Variants in COLEC10 observed in about 807,000 individuals in gnomAD.
COLEC10 encodes the protein collectin subfamily member 10.
In COLEC10, 22 loss-of-function variants were observed where a neutral mutation model predicts 28.4. That is an observed-to-expected ratio of 0.78 (90% CI 0.55 to 1.11). The LOEUF is 1.11. COLEC10 is among the 50% of genes least tolerant of loss of function. COLEC10 has a pLI of 0.00. For synonymous variants in COLEC10, 125 were observed against 116.1 expected (o/e 1.08, Z -0.49); for missense variants, 361 against 344.1 (o/e 1.05, Z -0.39).
At chr8:119,094,742 C>T (rs1200152318) in intron 3 of COLEC10, among the ~76,000 whole-genome samples, 3 of 152,120 alleles carry the variant, frequency 2.0e-5, no homozygotes, top group African/African-American at 7.2e-5. Flanking sequence ...CCCCCATATT[C>T]CCAGTTAGAA....
At chr8:119,061,752 A>G (rs1814860293) in intron 2 of COLEC10, among the ~76,000 whole-genome samples, 1 of 152,026 alleles carries the variant, frequency 6.6e-6, no homozygotes, top group Admixed American at 6.6e-5. Flanking sequence ...GATGAAACCA[A>G]GAAAAAAAAA....
At chr8:119,006,802 C>A (rs546914842) in intron 1 of COLEC10, among the ~76,000 whole-genome samples, 1 of 152,114 alleles carries the variant, frequency 6.6e-6, no homozygotes, top group East Asian at 1.9e-4. Flanking sequence ...AACTAATTTG[C>A]ATCTCCACTG....
intron 1 of COLEC10, among the ~76,000 whole-genome samples, chr8:119,082,664 C>A (rs940977013): frequency 6.6e-6 from 1 of 152,226 alleles, no homozygotes; most frequent in Non-Finnish European, 1.5e-5. Context: ...ATGAGCTGAA[C>A]TGACGAGGTA....
rs781726945 is a variant in COLEC10, at chr8:119,106,174, A to T, written c.817A>T (p.Ile273Phe). 1.6e-5 allele frequency: 26 copies of T among 1,597,692 alleles called. No individual in the cohort carries two copies. The Admixed American group carries it at 2.2e-4, about 14-fold the overall frequency. The change falls in exon 6 of 6, where the codon ATC becomes TTC. Residue 273 changes from isoleucine to phenylalanine, a missense_variant. This residue lies in a region of COLEC10 where 22 missense variants were observed against 17.3 expected (regional missense o/e 1.28). Coordinates refer to ENST00000332843, the MANE Select transcript of COLEC10 (RefSeq NM_006438.5). ...TACCATGTACTTTGTCTGTGAGTTC[A>T]TCAAGAAGAAAAAGTAACTTCCCTC... ...HLTMYFVCEFIKKKK is the reference protein window; with the variant it reads ...HLTMYFVCEFFKKKK
intron 2 of COLEC10, among the ~76,000 whole-genome samples, chr8:119,017,819 A>G (rs1563718191): frequency 2.0e-5 from 3 of 152,158 alleles, no homozygotes; most frequent in African/African-American, 7.2e-5. Flanking sequence ...GTAGGACTCA[A>G]TAAATAATTA....
chr8:119,081,701 G>A (rs1413842359), intron 1 of COLEC10, among the ~76,000 whole-genome samples: 2 of 152,154 alleles, frequency 1.3e-5, no homozygotes, highest in African/African-American at 4.8e-5. Context: ...AATTAAATGA[G>A]CCATTTATCA....
chr8:119,035,275 C>T (rs981212963), intron 2 of COLEC10, among the ~76,000 whole-genome samples: 8 of 148,880 alleles, frequency 5.4e-5, no homozygotes, highest in South Asian at 2.2e-4. Flanking sequence ...CTTTTATGTA[C>T]TTTCAGGAAT....
intron 1 of COLEC10, among the ~76,000 whole-genome samples, chr8:119,000,628 A>C (rs950896382): frequency 6.6e-6 from 1 of 152,178 alleles, no homozygotes; most frequent in African/African-American, 2.4e-5. Flanking sequence ...AGGGTGATGA[A>C]TATTTAAAGA....
At chr8:119,045,973 T>G (rs1025569530) in intron 2 of COLEC10, among the ~76,000 whole-genome samples, 3 of 152,232 alleles carry the variant, frequency 2.0e-5, no homozygotes, top group African/African-American at 7.2e-5. Context: ...TACTATTTGC[T>G]GAAAATTTAC....
At chr8:119,009,928 GAACTTCTGCCCCCAC>G (rs1461927523) in intron 2 of COLEC10, among the ~76,000 whole-genome samples, 3 of 150,548 alleles carry the variant, frequency 2.0e-5, no homozygotes, top group African/African-American at 7.5e-5. Context: ...ATTTCCTGTC[GAACTTCTGCCCCCAC>G]ATCCCATGCA....
chr8:119,019,119 G>A (rs965158451), intron 2 of COLEC10, among the ~76,000 whole-genome samples: 6 of 152,174 alleles, frequency 3.9e-5, no homozygotes, highest in South Asian at 2.1e-4. Context: ...TGTTGTATGT[G>A]TAATGAATCA....
At chr8:119,101,835 A>G (rs1815834781) in intron 3 of COLEC10, among the ~76,000 whole-genome samples, 1 of 152,164 alleles carries the variant, frequency 6.6e-6, no homozygotes, top group Non-Finnish European at 1.5e-5. Context: ...ATCCAAGGGC[A>G]AAGCCACTTG....
the COLEC10 span, among the ~76,000 whole-genome samples, chr8:118,961,506 G>A: frequency 6.6e-6 from 1 of 152,162 alleles, no homozygotes; most frequent in Admixed American, 6.5e-5. Context: ...TTCTCTGCAT[G>A]GTGCAGAAAC....
chr8:119,007,291 A>G (rs1813821812), intron 1 of COLEC10, among the ~76,000 whole-genome samples: 1 of 152,164 alleles, frequency 6.6e-6, no homozygotes, highest in Non-Finnish European at 1.5e-5. Flanking sequence ...TTTGGATAGA[A>G]CCTACATTAA....
At position 119,009,848 on chromosome 8, in the gene COLEC10, TAAA is replaced by T. The variant is rs34539026; in HGVS notation, n.235+302_235+304del. On this transcript the variant is annotated intron_variant and non_coding_transcript_variant, in intron 2 of 6. Transcript: ENST00000521788. ...CAATTGAAAGCTCAGCTCTTTTTTT[TAAA>T]AAAAAATAGACTTTATGTTTTAGAT... is the stretch of plus-strand genomic sequence containing the variant. 6.8e-4 allele frequency among the ~76,000 whole-genome samples: 98 copies of T among 143,966 alleles called. 1 individual carries two copies. The highest frequency in any genetic ancestry group is 1.6e-3 in the African/African-American group (60 of 37,514). 94.4% of individuals were successfully genotyped at this position (143,966 alleles called of 152,430 possible). A position where few individuals can be genotyped will look rare whatever the true frequency, so the allele number is the denominator to read the frequency against.
At chr8:119,067,710 C>G (rs529837857) in intron 1 of COLEC10, 1 of 311,538 alleles carries the variant, frequency 3.2e-6, no homozygotes, top group Non-Finnish European at 5.9e-6. Flanking sequence ...CATTCTGCTC[C>G]GGGGCAGATG....
intron 3 of COLEC10, 94 bp from the exon 4 acceptor site, chr8:119,102,254 T>G (rs1437628032): frequency 7.2e-6 from 3 of 416,350 alleles, no homozygotes; most frequent in Non-Finnish European, 1.3e-5. Context: ...TTCCTTCTTT[T>G]CCTTCCTTCA....
chr8:119,045,279 T>C (rs1170006837), intron 2 of COLEC10, among the ~76,000 whole-genome samples: 1 of 152,230 alleles, frequency 6.6e-6, no homozygotes, highest in Non-Finnish European at 1.5e-5. Context: ...GTCACTTATA[T>C]GTCTCATGTT....
chr8:119,096,407 C>G (rs1240796981), intron 3 of COLEC10, among the ~76,000 whole-genome samples: 1 of 152,140 alleles, frequency 6.6e-6, no homozygotes, highest in East Asian at 1.9e-4. Flanking sequence ...GCCTAGCCAG[C>G]ATGGCGAAAC....
Sources: gnomAD v4.1 joint callset for allele counts (sites outside exome capture counted in the v4.1 genomes callset) on GRCh38, gnomAD v4.1.1 for gene constraint, gnomAD v4.1.1 regional missense constraint, MANE v1.5 for transcripts, NCBI Gene and HGNC (gene_info 2026-07-23, HGNC 2026-07-21) for gene names.